The following HHIP variants were observed in gnomAD, a reference collection of about 807,000 sequenced individuals.
HHIP encodes the protein hedgehog interacting protein.
A neutral mutation model predicts 74.0 loss-of-function variants in HHIP; 12 were observed. The observed-to-expected ratio is 0.16, with a 90% CI of 0.10 to 0.26. The LOEUF (loss-of-function observed/expected upper bound fraction) is 0.26. HHIP is among the 10% of genes least tolerant of loss of function. The pLI is 1.00. For missense variants in HHIP, 788 were observed against 845.0 expected (o/e 0.93, Z 0.84); for synonymous variants, 309 against 311.6 (o/e 0.99, Z 0.09).
chr4:144,728,106 G>A (rs993483652), intron 11 of HHIP, among the ~76,000 whole-genome samples: 1 of 152,170 alleles, frequency 6.6e-6, no homozygotes, highest in Non-Finnish European at 1.5e-5. Context: ...AAAATTAGAT[G>A]GATATTTGTG....
intron 4 of HHIP, among the ~76,000 whole-genome samples, chr4:144,675,806 T>C (rs1299105335): frequency 1.3e-5 from 2 of 152,138 alleles, no homozygotes; most frequent in Non-Finnish European, 2.9e-5. Context: ...GGTATATGAG[T>C]AGTACATAGA....
At chr4:144,668,921 A>T (rs1483289156) in intron 4 of HHIP, among the ~76,000 whole-genome samples, 1 of 152,048 alleles carries the variant, frequency 6.6e-6, no homozygotes, top group East Asian at 1.9e-4. Flanking sequence ...CCTTTCTATG[A>T]CCAACTTTGG....
At position 144,658,924 on chromosome 4, in the gene HHIP, G is replaced by A. The variant is rs751146710; in HGVS notation, c.607G>A (p.Asp203Asn). ...SNYLDQMEEYDKVEEISRKHK... is the reference protein window; with the variant it reads ...SNYLDQMEEYNKVEEISRKHK... Reference sequence around the variant, plus strand: ...CTACTTGGACCAGATGGAAGAATATGACAAAGTGGAAGAGATCAGCAGGTT... The same window carrying A: ...CTACTTGGACCAGATGGAAGAATATAACAAAGTGGAAGAGATCAGCAGGTT... Residue 203 changes from aspartate to asparagine, a missense_variant, in exon 3 of 13, where the codon GAC becomes AAC. Around this residue, in one of 3 missense-constraint regions of HHIP, gnomAD observed 373 missense variants for 366.4 expected, o/e 1.02. Coordinates refer to ENST00000296575, the MANE Select transcript of HHIP (RefSeq NM_022475.3). 6.8e-6 allele frequency: 11 copies of A among 1,612,342 alleles called. No individual in the cohort carries two copies. The South Asian group carries it at 1.1e-4, about 16-fold the overall frequency.
At chr4:144,729,604 A>G (rs1560723174) in intron 11 of HHIP, among the ~76,000 whole-genome samples, 2 of 152,144 alleles carry the variant, frequency 1.3e-5, no homozygotes, top group African/African-American at 2.4e-5. Context: ...TGACTTATCA[A>G]TTTTTCCTAA....
intron 4 of HHIP, among the ~76,000 whole-genome samples, chr4:144,671,381 G>C (rs1560700161): frequency 6.6e-6 from 1 of 151,476 alleles, no homozygotes; most frequent in African/African-American, 2.4e-5. Flanking sequence ...AGACTTCTGG[G>C]CAAACAAACA....
At chr4:144,695,671 T>A (rs1175224577) in intron 4 of HHIP, among the ~76,000 whole-genome samples, 1 of 151,946 alleles carries the variant, frequency 6.6e-6, no homozygotes. Context: ...ATAAATTTTA[T>A]ATATTTTAAT....
intron 2 of HHIP, among the ~76,000 whole-genome samples, chr4:144,654,716 A>G (rs763855323): frequency 3.0e-4 from 45 of 152,328 alleles, no homozygotes; most frequent in Non-Finnish European, 5.3e-4. Context: ...ATTGTGGAAC[A>G]CAGATTTTTT....
chr4:144,671,316 G>A (rs931148764), intron 4 of HHIP, among the ~76,000 whole-genome samples: 2 of 110,584 alleles, frequency 1.8e-5, no homozygotes, highest in Non-Finnish European at 3.8e-5. Flanking sequence ...TCCAAGGAGG[G>A]TGTTTTTTTT....
At chr4:144,697,918 T>C (rs1729865577) in intron 4 of HHIP, among the ~76,000 whole-genome samples, 1 of 152,104 alleles carries the variant, frequency 6.6e-6, no homozygotes, top group African/African-American at 2.4e-5. Flanking sequence ...TTAAACCTAG[T>C]ATTACTGATT....
intron 11 of HHIP, among the ~76,000 whole-genome samples, chr4:144,728,787 G>A (rs1361994173): frequency 1.3e-5 from 2 of 152,116 alleles, no homozygotes; most frequent in Non-Finnish European, 2.9e-5. Context: ...TGGTTACACA[G>A]GAAGAGATTC....
rs1391338309 is a variant in HHIP at position 144,652,635 on chromosome 4, G to A, written c.310G>A (p.Gly104Arg). ...TTCTGTTACCAACAACACAGAATGT[G>A]GGAAGTTACTGGAGGAAATCAAATG... ...IFSVTNNTECGKLLEEIKCAL... is the reference protein window; with the variant it reads ...IFSVTNNTECRKLLEEIKCAL... The change falls in exon 2 of 13, where the codon GGG becomes AGG. Residue 104 changes from glycine to arginine, a missense_variant. Gly to Arg is a moderately radical substitution (Grantham distance 125). This residue lies in a region of HHIP where 373 missense variants were observed against 366.4 expected (regional missense o/e 1.02). Coordinates refer to ENST00000296575, the MANE Select transcript of HHIP (RefSeq NM_022475.3). 1 of 1,609,604 alleles carries A rather than the reference G, an allele frequency of 6.2e-7. No individual in the cohort carries two copies. Among genetic ancestry groups the A allele is most frequent in the South Asian group, 1.1e-5 (1 of 89,952 alleles).
rs1244088713 is a variant in HHIP, at chr4:144,744,511, C to T, written c.*6554C>T. 6.6e-6 allele frequency: 1 copy of T among 152,138 alleles called. No homozygotes were observed. The highest frequency in any genetic ancestry group is 2.4e-5 in the African/African-American group (1 of 41,432). 9.4% of individuals were successfully genotyped at this position (152,138 alleles called of 1,614,324 possible). On this transcript the variant is annotated 3_prime_UTR_variant, in exon 13 of 13. Coordinates refer to ENST00000296575, the MANE Select transcript of HHIP (RefSeq NM_022475.3). The stretch of plus-strand genomic sequence containing the variant: ...AGGGTATTTGAATAGGTAGTAAAGG[C>T]AGGTACAAGTTTAAGGGAGCAGGGC...
In HHIP at chr4:144,742,855, A is replaced by C. The variant is rs1731290047; in HGVS notation, c.*4898A>C. 7.2e-6 allele frequency: 1 copy of C among 138,302 alleles called. No homozygotes were observed. Among genetic ancestry groups the C allele is most frequent in the Non-Finnish European group, 1.5e-5 (1 of 65,678 alleles). The allele number at this position is 138,302 out of a possible 1,614,324, so 8.6% of individuals were successfully genotyped here. A position where few individuals can be genotyped will look rare whatever the true frequency, so the allele number is the denominator to read the frequency against. ...TGGTTATATATATATCTTTATATAT[A>C]TATCTTATATATATATCTTTTTATA... On this transcript the variant is annotated 3_prime_UTR_variant, in exon 13 of 13. Coordinates refer to ENST00000296575, the MANE Select transcript of HHIP (RefSeq NM_022475.3).
At position 144,718,909 on chromosome 4, in the gene HHIP, G is replaced by A; in HGVS notation, c.1713G>A (p.Met571Ile). 1 of 1,610,874 alleles carries A rather than the reference G, an allele frequency of 6.2e-7. No homozygotes were observed. The highest frequency in any genetic ancestry group is 8.5e-7 in the Non-Finnish European group (1 of 1,177,348). Residue 571 changes from methionine to isoleucine, a missense_variant, in exon 11 of 13, where the codon ATG (methionine) becomes ATA (isoleucine). Around this residue, in one of 3 missense-constraint regions of HHIP, gnomAD observed 343 missense variants for 347.9 expected, o/e 0.99. Coordinates refer to ENST00000296575, the MANE Select transcript of HHIP (RefSeq NM_022475.3). ...EVYILSSSKS[M>I]TQTHNGKLYK... ...ACATTTTATCAAGCAGTAAAAGTAT[G>A]ACCCAGACTCACAATGGAAAACTCT...
intron 1 of HHIP, among the ~76,000 whole-genome samples, chr4:144,650,240 T>C (rs1728381145): frequency 6.6e-6 from 1 of 152,116 alleles, no homozygotes; most frequent in South Asian, 2.1e-4. Context: ...CCTTCTTCTA[T>C]GGATTTTATT....
chr4:144,683,301 T>G (rs920547583), intron 4 of HHIP, among the ~76,000 whole-genome samples: 2 of 152,198 alleles, frequency 1.3e-5, no homozygotes, highest in Non-Finnish European at 2.9e-5. Flanking sequence ...GCTATTCACT[T>G]AAGTCTTAAT....
chr4:144,738,175 T>G lies in HHIP; in HGVS notation c.*218T>G. 8.7e-7 allele frequency: 1 copy of G among 1,153,298 alleles called. No homozygotes were observed. Among genetic ancestry groups the G allele is most frequent in the Non-Finnish European group, 1.1e-6 (1 of 937,906 alleles). The allele number at this position is 1,153,298 out of a possible 1,614,324, so 71.4% of individuals were successfully genotyped here. A position where few individuals can be genotyped will look rare whatever the true frequency, so the allele number is the denominator to read the frequency against. On this transcript the variant is annotated 3_prime_UTR_variant, in exon 13 of 13. Transcript: ENST00000296575. The stretch of plus-strand genomic sequence containing the variant: ...TACTCATAACCCCTATATGCGTTGT[T>G]GCATAACAGATGATTTTTTAAAATA...
At chr4:144,683,514 T>G (rs1054027788) in intron 4 of HHIP, among the ~76,000 whole-genome samples, 2 of 152,226 alleles carry the variant, frequency 1.3e-5, no homozygotes, top group African/African-American at 4.8e-5. Flanking sequence ...AATGTAAATT[T>G]AATTGCATTT....
intron 10 of HHIP, among the ~76,000 whole-genome samples, chr4:144,716,850 A>T (rs34215906): frequency 4.6e-5 from 4 of 86,146 alleles, no homozygotes; most frequent in African/African-American, 1.9e-4. Context: ...ACTCCGTCTC[A>T]AAAGAAAAAA....
Sources: allele counts gnomAD v4.1 joint callset (sites outside exome capture counted in the v4.1 genomes callset), GRCh38; gene constraint gnomAD v4.1.1; regional missense constraint gnomAD v4.1.1; transcripts MANE v1.5; gene names NCBI Gene and HGNC (gene_info 2026-07-23, HGNC 2026-07-21).